The following SLC35F3 variants were observed in gnomAD, a reference collection of about 807,000 sequenced individuals.
SLC35F3 encodes solute carrier family 35 member F3, also known as putative thiamine transporter SLC35F3.
A neutral mutation model predicts 49.9 loss-of-function variants in SLC35F3; 25 were observed. The observed-to-expected ratio is 0.50, with a 90% CI of 0.37 to 0.70. The LOEUF (loss-of-function observed/expected upper bound fraction) is 0.70, where lower values mean the gene tolerates loss of function less well. Ranked by LOEUF, SLC35F3 falls within the 30% of genes least tolerant of loss-of-function variation. The pLI, the probability that SLC35F3 is intolerant of heterozygous loss-of-function variation, is 0.00. For synonymous variants in SLC35F3, 275 were observed against 265.4 expected, an observed-to-expected ratio of 1.04 and a Z score of -0.35; for missense variants, 525 against 639.8, an observed-to-expected ratio of 0.82 and a Z score of 1.94.
intron 2 of SLC35F3, among the ~76,000 whole-genome samples, chr1:234,183,441 TG>T (rs1666590273): frequency 7.0e-6 from 1 of 143,300 alleles, no homozygotes; most frequent in Non-Finnish European, 1.5e-5. Flanking sequence ...TTTTTACGTA[TG>T]TAAATATTTC....
intron 2 of SLC35F3, among the ~76,000 whole-genome samples, chr1:234,111,613 A>G (rs1572056271): frequency 6.6e-6 from 1 of 151,774 alleles, no homozygotes; most frequent in Non-Finnish European, 1.5e-5. Context: ...CTTTCTGAAG[A>G]CTCCGTGCTG....
At chr1:234,136,558 C>T (rs537097617) in intron 2 of SLC35F3, among the ~76,000 whole-genome samples, 1 of 152,196 alleles carries the variant, frequency 6.6e-6, no homozygotes, top group Non-Finnish European at 1.5e-5. Context: ...ATTCACTAAA[C>T]AGATATTCCC....
At chr1:234,150,703 A>C (rs897962265) in intron 2 of SLC35F3, among the ~76,000 whole-genome samples, 1 of 152,188 alleles carries the variant, frequency 6.6e-6, no homozygotes, top group African/African-American at 2.4e-5. Context: ...CATTCTGTCT[A>C]TATTCCTACA....
At chr1:234,106,534 G>A (rs188742736) in intron 2 of SLC35F3, among the ~76,000 whole-genome samples, 57 of 152,214 alleles carry the variant, frequency 3.7e-4, no homozygotes, top group East Asian at 9.7e-4. Flanking sequence ...CTCACATGGC[G>A]TTTCCTCCAT....
At chr1:234,207,392 T>TCCCTACC in intron 2 of SLC35F3, among the ~76,000 whole-genome samples, 1 of 21,716 alleles carries the variant, frequency 4.6e-5, no homozygotes, top group East Asian at 1.4e-3. Context: ...CCTTCCATCC[T>TCCCTACC]TCCTTCCTCC....
intron 3 of SLC35F3, among the ~76,000 whole-genome samples, chr1:234,271,953 C>T (rs753038495): frequency 2.0e-5 from 3 of 152,034 alleles, no homozygotes; most frequent in East Asian, 1.9e-4. Context: ...GGCAAAACCC[C>T]GTCTCTACAA....
intron 2 of SLC35F3, among the ~76,000 whole-genome samples, chr1:234,030,779 C>T (rs544057510): frequency 6.6e-6 from 1 of 152,258 alleles, no homozygotes; most frequent in African/African-American, 2.4e-5. Context: ...CCTATAACAT[C>T]ATGTATCAAT....
Position 234,222,572 on chromosome 1 carries a change from C to T in SLC35F3, c.284-8845C>T, listed in dbSNP as rs182022363. On this transcript the variant is annotated intron_variant, in intron 2 of 7. Coordinates refer to ENST00000366618, the MANE Select transcript of SLC35F3 (RefSeq NM_173508.4). ...CCCATCCCCCCATAGCTGCCCAGCA[C>T]CGCCTTGGTGAGTCTGGTGGGCTGG... Among the ~76,000 whole-genome samples, 72 of 152,336 alleles carry T rather than the reference C, an allele frequency of 4.7e-4. 1 individual carries two copies. Among genetic ancestry groups the T allele is most frequent in the African/African-American group, 1.7e-3 (71 of 41,580 alleles).
At chr1:234,269,415 T>C (rs893751464) in intron 3 of SLC35F3, among the ~76,000 whole-genome samples, 2 of 152,170 alleles carry the variant, frequency 1.3e-5, no homozygotes, top group African/African-American at 4.8e-5. Flanking sequence ...CAGGATCAAA[T>C]GCAGGGCTAA....
rs566399638 is a variant in SLC35F3, at chr1:234,259,536, G to C, written c.608+27795G>C. On this transcript the variant is annotated intron_variant, in intron 3 of 7. Coordinates refer to ENST00000366618, the MANE Select transcript of SLC35F3 (RefSeq NM_173508.4). The stretch of plus-strand genomic sequence containing the variant: ...GAAGCCATCTTATTAGCCAGGCATG[G>C]TGGTGTGCGTACCTGTAGTCCCAGC... Among the ~76,000 whole-genome samples the C allele has an allele frequency of 5.3e-5, 8 of 152,208 alleles. No individual in the cohort carries two copies. In the East Asian group the frequency reaches 1.5e-3, roughly 29 times the overall value.
intron 2 of SLC35F3, among the ~76,000 whole-genome samples, chr1:234,122,775 A>T (rs1665595254): frequency 6.6e-6 from 1 of 152,214 alleles, no homozygotes; most frequent in Admixed American, 6.5e-5. Context: ...TTCATCATCC[A>T]CGTCCCTGCA....
At position 233,904,883 on chromosome 1, in the gene SLC35F3, C is replaced by G. The variant is rs1661743247; in HGVS notation, c.-195C>G. On this transcript the variant is annotated 5_prime_UTR_variant, in exon 1 of 8. In the 5' UTR this introduces an upstream ATG that the reference lacks. Transcript: ENST00000366618. ...CCGGGCTGAACCGCCGCGCCTGCAT[C>G]GTGCCGCACGCCGCGGAGGCGCTCG... 1 of 386,448 alleles carries G rather than the reference C, an allele frequency of 2.6e-6. No individual in the cohort carries two copies. Among genetic ancestry groups the G allele is most frequent in the East Asian group, 4.8e-5 (1 of 20,902 alleles). The allele number at this position is 386,448 out of a possible 1,614,324, so 23.9% of individuals were successfully genotyped here. A position where few individuals can be genotyped will look rare whatever the true frequency, so the allele number is the denominator to read the frequency against.
rs865888496 is a variant in SLC35F3 at position 233,940,373 on chromosome 1, G to C, written c.283+34615G>C. 5.2e-3 allele frequency among the ~76,000 whole-genome samples: 762 copies of C among 146,784 alleles called. 8 individuals are homozygous for C. The highest frequency in any genetic ancestry group is 0.01 in the African/African-American group (416 of 40,104). On this transcript the variant is annotated intron_variant, in intron 2 of 7. Transcript: ENST00000366618. ...ACAGACACACACACACACACACAGAGAGAGAGAGAGAGAGAGAGAGAGATA... is the reference window on the plus strand; with the variant it reads ...ACAGACACACACACACACACACAGACAGAGAGAGAGAGAGAGAGAGAGATA...
At chr1:233,973,013 C>G (rs561295492) in intron 2 of SLC35F3, among the ~76,000 whole-genome samples, 65 of 152,202 alleles carry the variant, frequency 4.3e-4, no homozygotes, top group Non-Finnish European at 8.8e-4. Context: ...CATCATAGCT[C>G]TGTGTCCTCA....
At chr1:234,245,640 G>A (rs1297699471) in intron 3 of SLC35F3, among the ~76,000 whole-genome samples, 8 of 152,198 alleles carry the variant, frequency 5.3e-5, no homozygotes, top group African/African-American at 9.6e-5. Flanking sequence ...TGCTTAGAGC[G>A]TGTGCTGGAG....
At chr1:233,953,484 G>A (rs573110250) in intron 2 of SLC35F3, among the ~76,000 whole-genome samples, 2 of 152,262 alleles carry the variant, frequency 1.3e-5, no homozygotes, top group East Asian at 3.9e-4. Context: ...TGAGAGACCG[G>A]GAGACACTTT....
At chr1:233,972,606 G>C (rs867141631) in intron 2 of SLC35F3, among the ~76,000 whole-genome samples, 1 of 152,130 alleles carries the variant, frequency 6.6e-6, no homozygotes. Flanking sequence ...ATTTAGGATA[G>C]AGCCTGGCAC....
chr1:234,255,303 C>T (rs1453748798), intron 3 of SLC35F3, among the ~76,000 whole-genome samples: 2 of 152,154 alleles, frequency 1.3e-5, no homozygotes, highest in Non-Finnish European at 2.9e-5. Flanking sequence ...CAATGAGATA[C>T]CACTACACAC....
At chr1:234,290,054 AATG>A (rs1203797474) in intron 3 of SLC35F3, among the ~76,000 whole-genome samples, 1 of 152,238 alleles carries the variant, frequency 6.6e-6, no homozygotes, top group Non-Finnish European at 1.5e-5. Flanking sequence ...ATAATTTTTT[AATG>A]ATGAGTTAAG....
Sources: gnomAD v4.1 joint callset for allele counts (sites outside exome capture counted in the v4.1 genomes callset) on GRCh38, gnomAD v4.1.1 for gene constraint, MANE v1.5 for transcripts, NCBI Gene and HGNC (gene_info 2026-07-23, HGNC 2026-07-21) for gene names.